RBFOX1: variants seen among roughly 807,000 people sequenced by gnomAD.
RBFOX1 encodes the protein RNA binding protein fox-1 homolog 1.
RBFOX1 carries 8 observed loss-of-function variants against 57.7 expected under a neutral mutation model. That is an observed-to-expected ratio of 0.14 (90% confidence interval 0.08 to 0.25). The LOEUF is 0.25. Ranked by LOEUF, RBFOX1 falls within the 10% of genes least tolerant of loss-of-function variation. RBFOX1 has a pLI of 1.00. For synonymous variants in RBFOX1, 326 were observed against 222.4 expected, an observed-to-expected ratio of 1.47 and a Z score of -4.15; for missense variants, 611 against 548.5, an observed-to-expected ratio of 1.11 and a Z score of -1.14.
rs146473932 is a variant in RBFOX1, at chr16:6,713,184, C to T, written c.-16+58534C>T. ...AATCTTTTGTTCCCTCCCAGTCTTGCGTATCTTCCATCCATCTTCTGCCTA... is the reference window on the plus strand; with the variant it reads ...AATCTTTTGTTCCCTCCCAGTCTTGTGTATCTTCCATCCATCTTCTGCCTA... On this transcript the variant is annotated intron_variant, in intron 3 of 15. Coordinates refer to ENST00000550418, the MANE Select transcript of RBFOX1 (RefSeq NM_018723.4). 1.8e-3 allele frequency among the ~76,000 whole-genome samples: 277 copies of T among 152,150 alleles called. No homozygotes were observed. In the East Asian group the frequency reaches 0.03, roughly 16 times the overall value.
chr16:7,023,702 G>A (rs1047935898), intron 3 of RBFOX1, among the ~76,000 whole-genome samples: 2 of 151,812 alleles, frequency 1.3e-5, no homozygotes, highest in Non-Finnish European at 2.9e-5. Flanking sequence ...ATCAGAGATG[G>A]GTGTTACTTA....
intron 1 of RBFOX1, among the ~76,000 whole-genome samples, chr16:6,229,829 C>G (rs1712513610): frequency 6.6e-6 from 1 of 151,706 alleles, no homozygotes; most frequent in Non-Finnish European, 1.5e-5. Context: ...ACTCGGTGGT[C>G]TTTAAAATTA....
chr16:6,108,478 G>C (rs2096408065), intron 1 of RBFOX1, among the ~76,000 whole-genome samples: 1 of 152,212 alleles, frequency 6.6e-6, no homozygotes. Context: ...GGTAGGTGGT[G>C]CTGTGCTATT....
chr16:6,544,545 C>G (rs1489169681), intron 2 of RBFOX1, among the ~76,000 whole-genome samples: 1 of 152,120 alleles, frequency 6.6e-6, no homozygotes, highest in Admixed American at 6.5e-5. Context: ...TTATATGCAA[C>G]TCTTGGTATT....
At chr16:5,535,841 C>G (rs971288206) in intron 2 of RBFOX1, among the ~76,000 whole-genome samples, 4 of 152,206 alleles carry the variant, frequency 2.6e-5, no homozygotes, top group African/African-American at 9.6e-5. Flanking sequence ...ACAGACATTT[C>G]TGAGATACTA....
In RBFOX1 at chr16:7,506,999, C is replaced by G. The variant is rs1402224882; in HGVS notation, c.28-11148C>G. The stretch of plus-strand genomic sequence containing the variant: ...AATACATTCCAGTAGATTTTTCCCT[C>G]TAAAGCATCGTAAGAGTCTCACTGT... On this transcript the variant is annotated intron_variant, in intron 4 of 15. Transcript: ENST00000550418. Among the ~76,000 whole-genome samples, 6 of 152,258 alleles carry G rather than the reference C, an allele frequency of 3.9e-5. No individual in the cohort carries two copies. The East Asian group carries it at 9.7e-4, about 25-fold the overall frequency.
At chr16:5,309,564 T>TA (rs1171903937) in intron 1 of RBFOX1, among the ~76,000 whole-genome samples, 1 of 152,182 alleles carries the variant, frequency 6.6e-6, no homozygotes, top group East Asian at 1.9e-4. Context: ...GTTACATAGA[T>TA]ATATTGCATA....
At chr16:6,041,411 G>T (rs1045963806) in intron 1 of RBFOX1, among the ~76,000 whole-genome samples, 1 of 152,172 alleles carries the variant, frequency 6.6e-6, no homozygotes, top group African/African-American at 2.4e-5. Context: ...GACAAGACTA[G>T]AAGTCCAAGC....
At chr16:6,309,370 G>A (rs1441895125) in intron 1 of RBFOX1, among the ~76,000 whole-genome samples, 2 of 152,154 alleles carry the variant, frequency 1.3e-5, no homozygotes, top group African/African-American at 4.8e-5. Context: ...AGTACACACA[G>A]TTGCATCCTT....
chr16:5,685,271 CTGTTA>C (rs573729303), intron 3 of RBFOX1, among the ~76,000 whole-genome samples: 110 of 152,256 alleles, frequency 7.2e-4, no homozygotes, highest in Non-Finnish European at 1.4e-3. Flanking sequence ...GCCTTTGGTT[CTGTTA>C]TGTTTTCAAA....
chr16:5,776,272 C>T (rs570660620), intron 3 of RBFOX1, among the ~76,000 whole-genome samples: 3 of 152,308 alleles, frequency 2.0e-5, no homozygotes, highest in Non-Finnish European at 2.9e-5. Context: ...GCTGCAGTAC[C>T]CCATTCTGGG....
At chr16:5,799,157 T>A (rs1432754804) in intron 3 of RBFOX1, among the ~76,000 whole-genome samples, 2 of 151,910 alleles carry the variant, frequency 1.3e-5, no homozygotes, top group Non-Finnish European at 2.9e-5. Flanking sequence ...AGACAAGAGA[T>A]AATGAAATCC....
chr16:7,259,186 T>C (rs2094818370), intron 4 of RBFOX1, among the ~76,000 whole-genome samples: 1 of 152,198 alleles, frequency 6.6e-6, no homozygotes, highest in Non-Finnish European at 1.5e-5. Flanking sequence ...ACCATCACGC[T>C]ATGAAGTTAT....
intron 4 of RBFOX1, among the ~76,000 whole-genome samples, chr16:7,461,066 T>G (rs772688622): frequency 6.6e-5 from 10 of 152,202 alleles, no homozygotes; most frequent in Non-Finnish European, 1.0e-4. Flanking sequence ...AATTATCTTT[T>G]GTTTAGTTAG....
intron 1 of RBFOX1, among the ~76,000 whole-genome samples, chr16:6,132,861 C>A (rs2096639239): frequency 6.6e-6 from 1 of 151,620 alleles, no homozygotes; most frequent in South Asian, 2.1e-4. Flanking sequence ...GTGGCGCATG[C>A]CTGTAGTCCC....
At chr16:6,254,994 G>T (rs529823859) in intron 1 of RBFOX1, among the ~76,000 whole-genome samples, 1 of 151,832 alleles carries the variant, frequency 6.6e-6, no homozygotes, top group South Asian at 2.1e-4. Flanking sequence ...TTTTCAGTCA[G>T]TGCTTTTATT....
At chr16:7,438,248 A>T (rs2098738277) in intron 4 of RBFOX1, among the ~76,000 whole-genome samples, 1 of 152,170 alleles carries the variant, frequency 6.6e-6, no homozygotes, top group Admixed American at 6.5e-5. Context: ...CTCTATTAAG[A>T]TGCTGATGCG....
At chr16:5,432,436 T>C (rs1310202552) in intron 1 of RBFOX1, among the ~76,000 whole-genome samples, 2 of 152,118 alleles carry the variant, frequency 1.3e-5, no homozygotes, top group Non-Finnish European at 2.9e-5. Context: ...TTATTGTCCG[T>C]CATTATCCCT....
intron 3 of RBFOX1, among the ~76,000 whole-genome samples, chr16:6,958,376 G>A (rs978491216): frequency 3.3e-5 from 5 of 152,132 alleles, no homozygotes; most frequent in African/African-American, 1.2e-4. Flanking sequence ...CATTAGAAAA[G>A]AGATGGAGTC....
Sources: gnomAD v4.1 joint callset for allele counts (sites outside exome capture counted in the v4.1 genomes callset) on GRCh38, gnomAD v4.1.1 for gene constraint, MANE v1.5 for transcripts, NCBI Gene and HGNC (gene_info 2026-07-23, HGNC 2026-07-21) for gene names.